BMPER: variants seen among roughly 807,000 people sequenced by gnomAD.
BMPER encodes the protein BMP binding endothelial regulator.
A neutral mutation model predicts 87.3 loss-of-function variants in BMPER; 45 were observed. The observed-to-expected ratio is 0.52, with a 90% CI of 0.41 to 0.66. The LOEUF is 0.66. Among genes scored for constraint, BMPER ranks in the 30% least tolerant of loss-of-function variants. The pLI is 0.00. For missense variants in BMPER, 784 were observed against 867.5 expected (o/e 0.90, Z 1.21); for synonymous variants, 326 against 316.2 (o/e 1.03, Z -0.33).
chr7:33,935,639 T>A (rs1200036592), intron 2 of BMPER, among the ~76,000 whole-genome samples: 2 of 150,512 alleles, frequency 1.3e-5, no homozygotes, highest in East Asian at 2.0e-4. Context: ...AGAGAGAGAC[T>A]GGATGACTCA....
At chr7:34,072,103 A>G (rs1403288276) in intron 11 of BMPER, among the ~76,000 whole-genome samples, 1 of 152,218 alleles carries the variant, frequency 6.6e-6, no homozygotes, top group East Asian at 1.9e-4. Flanking sequence ...CTTCAAACTC[A>G]TTGCTAAAAA....
At chr7:33,980,275 A>G (rs1201505324) in intron 6 of BMPER, among the ~76,000 whole-genome samples, 1 of 152,242 alleles carries the variant, frequency 6.6e-6, no homozygotes, top group African/African-American at 2.4e-5. Flanking sequence ...TAGCTGTTCC[A>G]TATAGCGGTC....
chr7:33,973,788 T>C (rs887687991), intron 5 of BMPER, among the ~76,000 whole-genome samples: 18 of 152,244 alleles, frequency 1.2e-4, no homozygotes, highest in African/African-American at 4.3e-4. Flanking sequence ...TCCAGCACCT[T>C]GTGAGGTCAG....
intron 13 of BMPER, among the ~76,000 whole-genome samples, chr7:34,111,503 T>C (rs1789961707): frequency 6.6e-6 from 1 of 152,244 alleles, no homozygotes; most frequent in South Asian, 2.1e-4. Flanking sequence ...AAAATAAATC[T>C]GATTTGGGAA....
chr7:33,911,820 T>C (rs1783969180), intron 2 of BMPER, among the ~76,000 whole-genome samples: 1 of 152,218 alleles, frequency 6.6e-6, no homozygotes, highest in African/African-American at 2.4e-5. Flanking sequence ...TCTGGAATGA[T>C]TTTTTATTGC....
At chr7:34,133,504 C>T (rs1196669469) in intron 13 of BMPER, among the ~76,000 whole-genome samples, 2 of 152,222 alleles carry the variant, frequency 1.3e-5, no homozygotes, top group East Asian at 1.9e-4. Flanking sequence ...GCATCTGTAT[C>T]CTTGGTAACA....
chr7:34,104,396 CAG>C (rs376478838), intron 13 of BMPER, among the ~76,000 whole-genome samples: 1 of 152,182 alleles, frequency 6.6e-6, no homozygotes, highest in Non-Finnish European at 1.5e-5. Flanking sequence ...TGGAGGAAGT[CAG>C]AGGGGATGAT....
chr7:33,938,274 T>A (rs1784660380), intron 3 of BMPER, among the ~76,000 whole-genome samples: 1 of 152,180 alleles, frequency 6.6e-6, no homozygotes, highest in African/African-American at 2.4e-5. Flanking sequence ...GAATCCAAGT[T>A]TACTGGGTGG....
At chr7:34,007,148 A>G (rs1448394306) in intron 6 of BMPER, among the ~76,000 whole-genome samples, 1 of 152,072 alleles carries the variant, frequency 6.6e-6, no homozygotes, top group African/African-American at 2.4e-5. Flanking sequence ...GGACCTTAGC[A>G]TTGAAAAGGA....
intron 6 of BMPER, among the ~76,000 whole-genome samples, chr7:34,043,146 G>A (rs531881045): frequency 2.6e-5 from 4 of 152,172 alleles, no homozygotes; most frequent in Non-Finnish European, 4.4e-5. Flanking sequence ...AAGAAGATTG[G>A]AGAAGAGATT....
chr7:33,968,752 A>T (rs1785465987), intron 4 of BMPER, among the ~76,000 whole-genome samples: 1 of 152,170 alleles, frequency 6.6e-6, no homozygotes, highest in African/African-American at 2.4e-5. Flanking sequence ...TTTGAATTGA[A>T]TTCTACCTGT....
chr7:33,955,712 G>A (rs958589722), intron 3 of BMPER, among the ~76,000 whole-genome samples: 5 of 152,100 alleles, frequency 3.3e-5, no homozygotes, highest in African/African-American at 1.2e-4. Context: ...ACATAGACAA[G>A]CTTATTCTAA....
intron 12 of BMPER, among the ~76,000 whole-genome samples, chr7:34,084,082 T>C (rs1789133261): frequency 6.6e-6 from 1 of 150,936 alleles, no homozygotes. Context: ...GGCGAGTGGA[T>C]TGCCTGAGCT....
At chr7:33,905,487 G>C (rs1307753651), upstream of BMPER, 14 of 966,826 alleles carry the variant, frequency 1.4e-5, no homozygotes, top group Admixed American at 6.4e-5. Context: ...TCGGGCGCCC[G>C]CCTCCCTCCT....
At chr7:34,056,452 G>A (rs771354053) in intron 9 of BMPER, among the ~76,000 whole-genome samples, 2 of 151,924 alleles carry the variant, frequency 1.3e-5, no homozygotes, top group Non-Finnish European at 2.9e-5. Flanking sequence ...AACACATAAG[G>A]TGTCATGCCC....
chr7:33,963,523 G>A (rs1785323878), intron 3 of BMPER, among the ~76,000 whole-genome samples: 1 of 152,200 alleles, frequency 6.6e-6, no homozygotes, highest in Non-Finnish European at 1.5e-5. Flanking sequence ...GCTGGGCGCG[G>A]TGGCTCATGC....
Position 33,910,803 on chromosome 7 carries a change from A to G in BMPER, c.219+3900A>G, listed in dbSNP as rs537792254. On this transcript the variant is annotated intron_variant, in intron 2 of 14. Coordinates refer to ENST00000649409, the MANE Select transcript of BMPER (RefSeq NM_001365308.1). ...CTACTTTTTTAATCACAAAAATCTA[A>G]TATCGCTGAACAAGGAGCTCCCAGC... Among the ~76,000 whole-genome samples the G allele has an allele frequency of 5.9e-5, 9 of 152,308 alleles. No individual in the cohort carries two copies. The South Asian group carries it at 1.0e-3, about 18-fold the overall frequency.
intron 13 of BMPER, among the ~76,000 whole-genome samples, chr7:34,116,664 AC>A (rs1161282904): frequency 3.3e-5 from 5 of 152,242 alleles, no homozygotes; most frequent in Admixed American, 6.5e-5. Flanking sequence ...ACAAAATCAA[AC>A]AATAAACAAT....
chr7:34,133,528 A>G (rs982315701), intron 13 of BMPER, among the ~76,000 whole-genome samples: 1 of 152,128 alleles, frequency 6.6e-6, no homozygotes, highest in African/African-American at 2.4e-5. Context: ...TTTGTAATCA[A>G]CTGGGCAACT....
Sources: gnomAD v4.1 joint callset for allele counts (sites outside exome capture counted in the v4.1 genomes callset) on GRCh38, gnomAD v4.1.1 for gene constraint, MANE v1.5 for transcripts, NCBI Gene and HGNC (gene_info 2026-07-23, HGNC 2026-07-21) for gene names.